Variants in DCUN1D4 observed in about 807,000 individuals in gnomAD.
DCUN1D4 encodes DCN1-like protein 4.
A neutral mutation model predicts 47.9 loss-of-function variants in DCUN1D4; 22 were observed. The ratio of observed to expected loss-of-function variants is 0.46; its 90% CI spans 0.33 to 0.66. The LOEUF is 0.66. Ranked by LOEUF, DCUN1D4 falls within the 30% of genes least tolerant of loss-of-function variation. The probability of loss-of-function intolerance (pLI) is 0.02; values close to 1 mark genes in which losing one functional copy is unlikely to be tolerated. For synonymous variants in DCUN1D4, 121 were observed against 112.2 expected (o/e 1.08, Z -0.50); for missense variants, 301 against 340.8 (o/e 0.88, Z 0.92).
chr4:51,913,862 ATGTG>A lies in DCUN1D4; in HGVS notation c.*280_*283del. Reference sequence around the variant, plus strand: ...GTATATTGCTGTTTAAATTTTGTATATGTGTATAAAAGGAAAAAGGTTCACCTAG... The same window carrying A: ...GTATATTGCTGTTTAAATTTTGTATATATAAAAGGAAAAAGGTTCACCTAG... On this transcript the variant is annotated 3_prime_UTR_variant, in exon 11 of 11. Coordinates refer to ENST00000334635, the MANE Select transcript of DCUN1D4 (RefSeq NM_001040402.3). The A allele has an allele frequency of 2.9e-6, 1 of 342,010 alleles. No individual in the cohort carries two copies. The highest frequency in any genetic ancestry group is 5.3e-6 in the Non-Finnish European group (1 of 189,978). The allele number at this position is 342,010 out of a possible 1,614,324, so 21.2% of individuals were successfully genotyped here.
chr4:51,874,362 T>C lies in DCUN1D4; in HGVS notation c.228T>C (p.Ser76=), dbSNP rs1727359418. ...KRRPASGDDL[S]AKKSRHDSMY... ...GACCTGCCTCTGGAGATGATTTATC[T>C]GCCAAGAAAAGTAGACATGATAGGT... The change falls in exon 4 of 11, where the codon TCT becomes TCC. Residue 76 remains serine (S), a synonymous_variant. Transcript: ENST00000334635. 1 of 1,613,344 alleles carries C rather than the reference T, an allele frequency of 6.2e-7. No homozygotes were observed. Among genetic ancestry groups the C allele is most frequent in the South Asian group, 1.1e-5 (1 of 91,030 alleles).
the DCUN1D4 span, among the ~76,000 whole-genome samples, chr4:51,836,580 A>T: frequency 6.6e-6 from 1 of 152,168 alleles, no homozygotes; most frequent in Non-Finnish European, 1.5e-5. Context: ...AGTGTTGGGC[A>T]GAACGGGGTG....
chr4:51,860,506 A>G (rs1256067527), intron 1 of DCUN1D4: 1 of 446,050 alleles, frequency 2.2e-6, no homozygotes, highest in Non-Finnish European at 4.5e-6. Context: ...GGTAATTTAT[A>G]AAAGAAAAGA....
chr4:51,857,477 G>A (rs974499698), intron 1 of DCUN1D4, among the ~76,000 whole-genome samples: 13 of 152,264 alleles, frequency 8.5e-5, no homozygotes, highest in Non-Finnish European at 1.5e-5. Context: ...GACTCTCAAA[G>A]GAGTGCTTCT....
At chr4:51,837,358 C>G in the DCUN1D4 span, among the ~76,000 whole-genome samples, 120 of 152,226 alleles carry the variant, frequency 7.9e-4, 1 homozygote, top group Non-Finnish European at 7.4e-5. Flanking sequence ...CTAATGCTAC[C>G]CTGATAGTGA....
Position 51,859,638 on chromosome 4 carries a change from C to CAAAAAAAAAAAAAAAAAAAAAAAAAA in DCUN1D4, c.26-3797_26-3772dup, listed in dbSNP as rs35981680. ...CACAGCAAATGGTAGTTAAAACAAG[C>CAAAAAAAAAAAAAAAAAAAAAAAAAA]AAAAAAAAAAAAAAAAAAAAAAAAA... On this transcript the variant is annotated intron_variant, in intron 1 of 10. Coordinates refer to ENST00000334635, the MANE Select transcript of DCUN1D4 (RefSeq NM_001040402.3). Among the ~76,000 whole-genome samples, 2 of 39,494 alleles carry CAAAAAAAAAAAAAAAAAAAAAAAAAA rather than the reference C, an allele frequency of 5.1e-5. 1 individual carries two copies. Among genetic ancestry groups the CAAAAAAAAAAAAAAAAAAAAAAAAAA allele is most frequent in the Non-Finnish European group, 8.3e-5 (2 of 24,120 alleles). 25.9% of individuals were successfully genotyped at this position (39,494 alleles called of 152,430 possible).
intron 5 of DCUN1D4, among the ~76,000 whole-genome samples, chr4:51,879,451 C>CA (rs1246399962): frequency 6.6e-6 from 1 of 152,114 alleles, no homozygotes; most frequent in Admixed American, 6.5e-5. Context: ...TACTAGAATA[C>CA]AAAAAACTAG....
chr4:51,879,613 A>G (rs1244782044), intron 5 of DCUN1D4, among the ~76,000 whole-genome samples: 1 of 152,260 alleles, frequency 6.6e-6, no homozygotes, highest in Non-Finnish European at 1.5e-5. Context: ...TCTCCAGAAA[A>G]CAAAAATAAT....
At chr4:51,871,404 G>A (rs1726879413) in intron 3 of DCUN1D4, among the ~76,000 whole-genome samples, 1 of 152,230 alleles carries the variant, frequency 6.6e-6, no homozygotes, top group Non-Finnish European at 1.5e-5. Flanking sequence ...ACGTTGTACA[G>A]TGTGTGTCTA....
At chr4:51,874,119 A>G (rs1727308586) in intron 3 of DCUN1D4, 152 bp from the exon 4 acceptor site, 1 of 457,536 alleles carries the variant, frequency 2.2e-6, no homozygotes, top group African/African-American at 2.0e-5. Flanking sequence ...ACATTTTTTC[A>G]AAAAGGAACT....
chr4:51,843,124 G>A, upstream of DCUN1D4: 1 of 1,469,986 alleles, frequency 6.8e-7, no homozygotes, highest in Non-Finnish European at 9.0e-7. Flanking sequence ...CGAGATGGGC[G>A]GGCTGGGAGT....
At chr4:51,834,821 C>T in the DCUN1D4 span, among the ~76,000 whole-genome samples, 1 of 152,124 alleles carries the variant, frequency 6.6e-6, no homozygotes, top group African/African-American at 2.4e-5. Context: ...CACGTCTGAT[C>T]CATGCACAAT....
intron 7 of DCUN1D4, among the ~76,000 whole-genome samples, chr4:51,894,892 A>G (rs985157212): frequency 1.3e-5 from 2 of 152,150 alleles, no homozygotes; most frequent in African/African-American, 4.8e-5. Flanking sequence ...AAAATTCCAG[A>G]GAATTTTATT....
At chr4:51,877,733 ATAACT>A in intron 4 of DCUN1D4, 25 bp from the exon 5 acceptor site, 1 of 1,442,660 alleles carries the variant, frequency 6.9e-7, no homozygotes, top group East Asian at 2.3e-5. Context: ...GTATCTTTAA[ATAACT>A]TAAAACTGCC....
intron 5 of DCUN1D4, among the ~76,000 whole-genome samples, chr4:51,885,349 C>T (rs1560493991): frequency 6.6e-6 from 1 of 152,076 alleles, no homozygotes; most frequent in Non-Finnish European, 1.5e-5. Flanking sequence ...ATTGGTAGTA[C>T]ACTTGATAAT....
At position 51,913,270 on chromosome 4, in the gene DCUN1D4, A is replaced by T. The variant is rs776569592; in HGVS notation, c.721-20A>T. On this transcript the variant is annotated intron_variant, in intron 9 of 10. Transcript: ENST00000334635. ...TTCATTTTAAGTGTCAGTAATTCAT[A>T]TTACTTTTCCCTCCATCAGCAATCA... The T allele has an allele frequency of 5.3e-6, 8 of 1,498,994 alleles. No individual in the cohort carries two copies. Among genetic ancestry groups the T allele is most frequent in the Non-Finnish European group, 7.4e-6 (8 of 1,082,586 alleles). The allele number at this position is 1,498,994 out of a possible 1,614,324, so 92.9% of individuals were successfully genotyped here. A position where few individuals can be genotyped will look rare whatever the true frequency, so the allele number is the denominator to read the frequency against.
At chr4:51,844,437 G>A in intron 1 of DCUN1D4, 1 of 981,884 alleles carries the variant, frequency 1.0e-6, no homozygotes, top group Non-Finnish European at 1.2e-6. Flanking sequence ...GGGACTAGGA[G>A]GCGGGGCAGG....
chr4:51,846,752 A>G (rs1455134029), intron 1 of DCUN1D4, among the ~76,000 whole-genome samples: 1 of 152,220 alleles, frequency 6.6e-6, no homozygotes, highest in Non-Finnish European at 1.5e-5. Flanking sequence ...CAAGAAACCT[A>G]GAAGTAGTTG....
In DCUN1D4 at chr4:51,863,677, CAG is replaced by C; in HGVS notation, c.106_107del (p.Glu36ArgfsTer22). On this transcript the variant is annotated frameshift_variant, in exon 3 of 11. Coordinates refer to ENST00000334635, the MANE Select transcript of DCUN1D4 (RefSeq NM_001040402.3). LOFTEE classifies it high-confidence loss of function. ...CGAACATATTTCTTTCAGAACCTAA[CAG>C]AAGACATTGGCCAAGACGATCACCA... 1 of 1,613,500 alleles carries C rather than the reference CAG, an allele frequency of 6.2e-7. No individual in the cohort carries two copies. Among genetic ancestry groups the C allele is most frequent in the Non-Finnish European group, 8.5e-7 (1 of 1,179,810 alleles).
Sources: allele counts gnomAD v4.1 joint callset (sites outside exome capture counted in the v4.1 genomes callset), GRCh38; gene constraint gnomAD v4.1.1; transcripts MANE v1.5; gene names NCBI Gene and HGNC (gene_info 2026-07-23, HGNC 2026-07-21).